The following SMARCA4 variants were observed in gnomAD, a reference collection of about 807,000 sequenced individuals.
SMARCA4 encodes SWI/SNF-related matrix-associated actin-dependent regulator of chromatin subfamily A member 4.
In SMARCA4, 31 loss-of-function variants were observed where a neutral mutation model predicts 193.9. That is an observed-to-expected ratio of 0.16 (90% CI 0.12 to 0.22). The LOEUF is 0.22. Ranked by LOEUF, SMARCA4 falls within the 10% of genes least tolerant of loss-of-function variation. The pLI is 1.00. For synonymous variants in SMARCA4, 942 were observed against 933.1 expected (o/e 1.01, Z -0.17); for missense variants, 1,148 against 2,296.0 (o/e 0.50, Z 10.22).
At position 10,986,802 on chromosome 19, in the gene SMARCA4, G is replaced by A; in HGVS notation, c.761-103G>A. 5 of 1,244,366 alleles carry A rather than the reference G, an allele frequency of 4.0e-6. No individual in the cohort carries two copies. In the South Asian group the frequency reaches 6.0e-5, roughly 15 times the overall value. 77.1% of individuals were successfully genotyped at this position (1,244,366 alleles called of 1,614,324 possible). On this transcript the variant is annotated intron_variant, in intron 4 of 34. Transcript: ENST00000344626. This position sits in a 1 kb window ranked among gnomAD's most constrained non-coding sequence, Gnocchi z 6.7. ...CTTCCCCTGGGGCCGCTGGTTAATA[G>A]GTGTATCTGCTGTGTCCCCTGGAGC...
chr19:10,978,546 C>T (rs2085314458), intron 1 of SMARCA4, among the ~76,000 whole-genome samples: 1 of 151,988 alleles, frequency 6.6e-6, no homozygotes, highest in Non-Finnish European at 1.5e-5. Context: ...TTTGGTCAGG[C>T]TGGTCTCGAA....
At chr19:11,059,184 C>T (rs1464892772) in intron 32 of SMARCA4, 6 of 379,056 alleles carry the variant, frequency 1.6e-5, no homozygotes, top group African/African-American at 8.2e-5. Flanking sequence ...ATGTATTTAC[C>T]GAAGAAAATA....
intron 11 of SMARCA4, among the ~76,000 whole-genome samples, chr19:11,000,273 A>ATAAC (rs2087505325): frequency 2.6e-5 from 4 of 151,562 alleles, no homozygotes; most frequent in African/African-American, 7.3e-5. Flanking sequence ...GTGGTGGCTC[A>ATAAC]TGCCTATAAC....
intron 1 of SMARCA4, among the ~76,000 whole-genome samples, chr19:10,973,900 A>G (rs2084889415): frequency 6.6e-6 from 1 of 152,008 alleles, no homozygotes; most frequent in Admixed American, 6.6e-5. Flanking sequence ...ACCGAGGGGA[A>G]CATTTTGTTT....
intron 30 of SMARCA4, among the ~76,000 whole-genome samples, chr19:11,042,183 G>A (rs1220565515): frequency 6.6e-6 from 1 of 152,240 alleles, no homozygotes; most frequent in Non-Finnish European, 1.5e-5. Flanking sequence ...GGCAGCATGC[G>A]GTTCCAGCTG....
intron 20 of SMARCA4, among the ~76,000 whole-genome samples, chr19:11,024,126 C>T (rs935719362): frequency 6.6e-6 from 1 of 152,182 alleles, no homozygotes; most frequent in Non-Finnish European, 1.5e-5. Context: ...GCCCAGTAAC[C>T]CTCTGGTATC....
At position 10,989,458 on chromosome 19, in the gene SMARCA4, G is replaced by T. The variant is rs2145851064; in HGVS notation, c.1245+15G>T. 1 of 1,613,706 alleles carries T rather than the reference G, an allele frequency of 6.2e-7. No individual in the cohort carries two copies. The highest frequency in any genetic ancestry group is 8.5e-7 in the Non-Finnish European group (1 of 1,179,828). ...TCCAGAGGCAGGTGGGTGCTGGCAT[G>T]GCCGCAGCTTTCCGAAAAGGGCCTT... On this transcript the variant is annotated intron_variant, in intron 7 of 34. Transcript: ENST00000344626.
chr19:11,012,305 G>A (rs1430265996), intron 15 of SMARCA4: 1 of 157,292 alleles, frequency 6.4e-6, no homozygotes, highest in Non-Finnish European at 1.4e-5. Flanking sequence ...GGGAGGCAGA[G>A]GTTGCAGTGA....
intron 29 of SMARCA4, chr19:11,039,641 G>A (rs1332392334): frequency 3.3e-6 from 2 of 598,046 alleles, no homozygotes; most frequent in East Asian, 6.9e-5. Flanking sequence ...ACTAAAACAT[G>A]GCTGCTTTGG....
intron 1 of SMARCA4, chr19:10,977,804 CA>C (rs2085263401): frequency 6.6e-6 from 1 of 152,332 alleles, no homozygotes; most frequent in African/African-American, 2.4e-5. Flanking sequence ...GAGCGGCTGG[CA>C]CTTCCTGCCT....
chr19:11,030,334 T>C lies in SMARCA4; in HGVS notation c.3383-396T>C, dbSNP rs2074838465. Among the ~76,000 whole-genome samples, 1 of 152,210 alleles carries C rather than the reference T, an allele frequency of 6.6e-6. No individual in the cohort carries two copies. Among genetic ancestry groups the C allele is most frequent in the African/African-American group, 2.4e-5 (1 of 41,458 alleles). On this transcript the variant is annotated intron_variant, in intron 24 of 34. Coordinates refer to ENST00000344626, the MANE Select transcript of SMARCA4 (RefSeq NM_003072.5). This position sits in a 1 kb window ranked among gnomAD's most constrained non-coding sequence, Gnocchi z 5.5. ...TTGCGAGCGGCGGTGTTGCCGGCAT[T>C]GGCCGCTGTGTCTTCCGCTCCCCAT...
intron 11 of SMARCA4, among the ~76,000 whole-genome samples, chr19:11,000,255 G>A (rs1001201536): frequency 3.3e-5 from 5 of 151,728 alleles, no homozygotes; most frequent in African/African-American, 1.2e-4. Context: ...AGTTACTTTG[G>A]ACCAGGTGTG....
At chr19:10,989,481 C>T (rs2145852011) in intron 7 of SMARCA4, 38 bp downstream of exon 7, 1 of 1,611,196 alleles carries the variant, frequency 6.2e-7, no homozygotes, top group East Asian at 2.2e-5. Context: ...CGAAAAGGGC[C>T]TTTGTCACCA....
chr19:11,004,398 G>A (rs976385268), intron 13 of SMARCA4, among the ~76,000 whole-genome samples: 1 of 151,858 alleles, frequency 6.6e-6, no homozygotes, highest in Non-Finnish European at 1.5e-5. Flanking sequence ...ACAGGCGCCC[G>A]CCACCATGCC....
At position 10,984,167 on chromosome 19, in the gene SMARCA4, C is replaced by T. The variant is rs2145720388; in HGVS notation, c.16C>T (p.Pro6Ser). 1 of 1,613,642 alleles carries T rather than the reference C, an allele frequency of 6.2e-7. No homozygotes were observed. The highest frequency in any genetic ancestry group is 8.5e-7 in the Non-Finnish European group (1 of 1,179,914). The change falls in exon 2 of 35, where the codon CCA becomes TCA. Residue 6 changes from proline to serine, a missense_variant. Pro to Ser is a moderately conservative substitution (Grantham distance 74). This residue lies in a region of SMARCA4 where 201 missense variants were observed against 248.3 expected (regional missense o/e 0.81). Coordinates refer to ENST00000344626, the MANE Select transcript of SMARCA4 (RefSeq NM_003072.5). The surrounding 1 kb of genome is among the most constrained non-coding windows in gnomAD (Gnocchi z 4.3). ...TCCCGTGAAGATGTCCACTCCAGAC[C>T]CACCCCTGGGCGGAACTCCTCGGCC... is the stretch of plus-strand genomic sequence containing the variant. MSTPDPPLGGTPRPGP... is the reference protein window; with the variant it reads MSTPDSPLGGTPRPGP...
rs555807235 is a variant in SMARCA4 at position 10,963,737 on chromosome 19, C to T, written c.-32+2563C>T. On this transcript the variant is annotated intron_variant, in intron 1 of 34. Transcript: ENST00000344626. ...GGTCACATGGGAAGCCGCTAACACACTGCTGCACCTGATGCGTAGTGAACA... is the reference window on the plus strand; with the variant it reads ...GGTCACATGGGAAGCCGCTAACACATTGCTGCACCTGATGCGTAGTGAACA... Among the ~76,000 whole-genome samples the T allele has an allele frequency of 2.0e-5, 3 of 152,024 alleles. No homozygotes were observed. In the East Asian group the frequency reaches 5.8e-4, roughly 29 times the overall value.
chr19:10,984,456 G>A lies in SMARCA4; in HGVS notation c.222+83G>A, dbSNP rs560994772. ...AGCCTCTGGACCGAGGGCCTTACTT[G>A]GAGGATGGGGGGAAGCCTTCTTGTT... On this transcript the variant is annotated intron_variant, in intron 2 of 34. Transcript: ENST00000344626. The surrounding 1 kb of genome is among the most constrained non-coding windows in gnomAD (Gnocchi z 4.3). The A allele has an allele frequency of 2.7e-4, 422 of 1,547,926 alleles. 7 individuals carry two copies. The South Asian group carries it at 4.9e-3, about 18-fold the overall frequency.
chr19:11,007,475 T>C (rs2146179468), intron 13 of SMARCA4, among the ~76,000 whole-genome samples: 1 of 150,162 alleles, frequency 6.7e-6, no homozygotes, highest in Admixed American at 6.6e-5. Context: ...GTGGTGGCAT[T>C]TGCCTGTAGT....
At chr19:11,011,071 T>A in intron 15 of SMARCA4, 1 of 211,740 alleles carries the variant, frequency 4.7e-6, no homozygotes, top group Non-Finnish European at 9.7e-6. Flanking sequence ...CTGAAGCTCT[T>A]CACCTGGGCC....
Sources: allele counts gnomAD v4.1 joint callset (sites outside exome capture counted in the v4.1 genomes callset), GRCh38; gene constraint gnomAD v4.1.1; regional missense constraint gnomAD v4.1.1; non-coding constraint Gnocchi (gnomAD v3.1); transcripts MANE v1.5; gene names NCBI Gene and HGNC (gene_info 2026-07-23, HGNC 2026-07-21).